Variants in RBP5 observed in about 807,000 individuals in gnomAD.
RBP5 encodes retinol binding protein 5.
In RBP5, 12 loss-of-function variants were observed where a neutral mutation model predicts 17.8. That is an observed-to-expected ratio of 0.67 (90% CI 0.43 to 1.09). The LOEUF is 1.09. Ranked by LOEUF, RBP5 falls within the 50% of genes least tolerant of loss-of-function variation. The probability of loss-of-function intolerance (pLI) is 0.00; values close to 1 mark genes in which losing one functional copy is unlikely to be tolerated. For synonymous variants in RBP5, 64 were observed against 68.1 expected (o/e 0.94, Z 0.30); for missense variants, 172 against 169.4 (o/e 1.02, Z -0.09).
rs755858623 is a variant in RBP5, at chr12:7,124,641, C to T, written c.342G>A (p.Glu114=). Reference sequence around the variant, plus strand: ...CCACCCCATTTACCAGATACAGCATCTCTCCCTCCAGCCAGTGTCTCCAGC... The same window carrying T: ...CCACCCCATTTACCAGATACAGCATTTCTCCCTCCAGCCAGTGTCTCCAGC... ...NRGWRHWLEG[E]MLYLELTARD... is the part of the protein sequence containing the mutation. Residue 114 remains glutamate (E), a synonymous_variant, in exon 3 of 4, where the codon GAG becomes GAA. Transcript: ENST00000266560. The surrounding 1 kb of genome is among the most constrained non-coding windows in gnomAD (Gnocchi z 5.3). 9 of 1,535,682 alleles carry T rather than the reference C, an allele frequency of 5.9e-6. No individual in the cohort carries two copies. The highest frequency in any genetic ancestry group is 1.1e-5 in the South Asian group (1 of 89,498).
chr12:7,124,860 G>C lies in RBP5; in HGVS notation c.253-130C>G. ...GTCTGCTGCAGCCCCTCCACTGAGC[G>C]AGGGAGCTGCTCTGATTCAGCAGGA... On this transcript the variant is annotated intron_variant, in intron 2 of 3. Coordinates refer to ENST00000266560, the MANE Select transcript of RBP5 (RefSeq NM_031491.4). This position sits in a 1 kb window ranked among gnomAD's most constrained non-coding sequence, Gnocchi z 5.3. 1.6e-6 allele frequency: 1 copy of C among 618,238 alleles called. No homozygotes were observed. The allele number at this position is 618,238 out of a possible 1,614,324, so 38.3% of individuals were successfully genotyped here.
rs1939020597 is a variant in RBP5, at chr12:7,117,521, C to G, written n.890-214G>C. Reference sequence around the variant, plus strand: ...GTACCTTTGGGGGCTCTGACCCTCTCCTCCTCCACCTTGAGATCTGTAGAG... The same window carrying G: ...GTACCTTTGGGGGCTCTGACCCTCTGCTCCTCCACCTTGAGATCTGTAGAG... On this transcript the variant is annotated intron_variant and non_coding_transcript_variant, in intron 3 of 3. Coordinates refer to the RBP5 transcript ENST00000619522. This position sits in a 1 kb window ranked among gnomAD's most constrained non-coding sequence, Gnocchi z 4.9. 1 of 152,168 alleles carries G rather than the reference C, an allele frequency of 6.6e-6. No homozygotes were observed. The highest frequency in any genetic ancestry group is 6.5e-5 in the Admixed American group (1 of 15,282). The allele number at this position is 152,168 out of a possible 1,614,324, so 9.4% of individuals were successfully genotyped here. A position where few individuals can be genotyped will look rare whatever the true frequency, so the allele number is the denominator to read the frequency against.
At chr12:7,119,589 C>T (rs1939052276), downstream of RBP5, 1 of 154,854 alleles carries the variant, frequency 6.5e-6, no homozygotes, top group Non-Finnish European at 1.5e-5. Context: ...AAATATGTCA[C>T]TGTGTAACCT....
At chr12:7,126,989 T>A (rs1196846821) in intron 2 of RBP5, among the ~76,000 whole-genome samples, 1 of 49,200 alleles carries the variant, frequency 2.0e-5, no homozygotes, top group East Asian at 4.4e-4. Context: ...TACTTTTGTA[T>A]TTTTTTTTTT....
At chr12:7,119,924 C>T (rs1939056965), downstream of RBP5, among the ~76,000 whole-genome samples, 1 of 152,230 alleles carries the variant, frequency 6.6e-6, no homozygotes, top group Non-Finnish European at 1.5e-5. Context: ...AGCACTGCCT[C>T]CCAATTTTGG....
At chr12:7,116,796 C>G (rs1222837296) in exon 4 of RBP5, 1 of 152,164 alleles carries the variant, frequency 6.6e-6, no homozygotes, top group Non-Finnish European at 1.5e-5. Context: ...GCCCCCACCC[C>G]CCAACCCCAT....
chr12:7,123,332 G>A (rs1939107210), downstream of RBP5, among the ~76,000 whole-genome samples: 1 of 152,212 alleles, frequency 6.6e-6, no homozygotes, highest in African/African-American at 2.4e-5. Context: ...TCCCTCCTAT[G>A]CCTTCACACC....
chr12:7,126,513 GTGTGTGTGT>G (rs1343573272), intron 2 of RBP5, among the ~76,000 whole-genome samples: 6,723 of 121,302 alleles, frequency 0.055, 266 homozygotes, highest in East Asian at 0.24. Flanking sequence ...TGGTGGTGGT[GTGTGTGTGT>G]GTGTGTGTGT....
intron 2 of RBP5, chr12:7,127,816 C>A: frequency 4.5e-6 from 3 of 673,242 alleles, no homozygotes; most frequent in African/African-American, 1.8e-5. Context: ...GGAGAAAACT[C>A]CAGTTTAAAG....
Position 7,128,340 on chromosome 12 carries a change from G to A in RBP5, c.152C>T (p.Thr51Met), listed in dbSNP as rs1404777697. ...KEIEHQGNHM[T>M]VRTLSTFRNY... The stretch of plus-strand genomic sequence containing the variant: ...TCGGAAGGTGCTGAGCGTCCTCACC[G>A]TCATGTGGTTGCCCTGGTGTTCGAT... Residue 51 changes from threonine to methionine, a missense_variant, in exon 2 of 4, where the codon ACG (threonine) becomes ATG (methionine). Physicochemically the swap from Thr to Met is moderately conservative, Grantham distance 81 (BLOSUM62 -1). Coordinates refer to ENST00000266560, the MANE Select transcript of RBP5 (RefSeq NM_031491.4). This position sits in a 1 kb window ranked among gnomAD's most constrained non-coding sequence, Gnocchi z 5.3. 7 of 1,613,796 alleles carry A rather than the reference G, an allele frequency of 4.3e-6. No homozygotes were observed. Among genetic ancestry groups the A allele is most frequent in the Middle Eastern group, 1.6e-4 (1 of 6,084 alleles).
At chr12:7,122,944 T>C (rs890243932), downstream of RBP5, among the ~76,000 whole-genome samples, 2 of 152,092 alleles carry the variant, frequency 1.3e-5, no homozygotes, top group African/African-American at 2.4e-5. Flanking sequence ...AGAGCCCTAG[T>C]GACTGTCTTG....
intron 2 of RBP5, among the ~76,000 whole-genome samples, chr12:7,126,510 G>GGTGGTGTGTGTGT (rs751535528): frequency 1.9e-4 from 25 of 131,022 alleles, no homozygotes; most frequent in African/African-American, 4.0e-4. Context: ...TGGTGGTGGT[G>GGTGGTGTGTGTGT]GTGTGTGTGT....
intron 2 of RBP5, among the ~76,000 whole-genome samples, chr12:7,126,365 A>T (rs1254530623): frequency 6.6e-6 from 1 of 152,248 alleles, no homozygotes; most frequent in Non-Finnish European, 1.5e-5. Flanking sequence ...GCATTGTCTG[A>T]AAGTCCACTT....
intron 3 of RBP5, chr12:7,118,058 T>G (rs1939027648): frequency 6.6e-6 from 1 of 152,174 alleles, no homozygotes; most frequent in Non-Finnish European, 1.5e-5. Flanking sequence ...CTGTTTCCCT[T>G]TTGTTTCCTC....
Position 7,128,142 on chromosome 12 carries a change from C to A in RBP5, c.252+98G>T. 9.1e-7 allele frequency: 1 copy of A among 1,101,602 alleles called. No individual in the cohort carries two copies. The highest frequency in any genetic ancestry group is 1.3e-6 in the Non-Finnish European group (1 of 773,702). 68.2% of individuals were successfully genotyped at this position (1,101,602 alleles called of 1,614,324 possible). A position where few individuals can be genotyped will look rare whatever the true frequency, so the allele number is the denominator to read the frequency against. ...GTGGTGACCATTCCCCTCCTCCCCG[C>A]TGCTCTGGCTGGGGAAGGTCACTTT... On this transcript the variant is annotated intron_variant, in intron 2 of 3. Coordinates refer to ENST00000266560, the MANE Select transcript of RBP5 (RefSeq NM_031491.4). The surrounding 1 kb of genome is among the most constrained non-coding windows in gnomAD (Gnocchi z 5.3).
chr12:7,118,930 G>GGAA (rs965001534), downstream of RBP5: 1 of 153,614 alleles, frequency 6.5e-6, no homozygotes, highest in African/African-American at 2.4e-5. Context: ...AGGAGGAGGA[G>GGAA]GAAGAAGAAA....
chr12:7,129,726 G>C, upstream of RBP5: 2 of 985,408 alleles, frequency 2.0e-6, no homozygotes, highest in South Asian at 9.4e-5. This position sits in a 1 kb window ranked among gnomAD's most constrained non-coding sequence, Gnocchi z 5.5. Context: ...CCATCGTCCC[G>C]GGCTTCAGAA....
At chr12:7,127,582 T>G in intron 2 of RBP5, 4 of 645,240 alleles carry the variant, frequency 6.2e-6, no homozygotes. Context: ...ATTTTTCCAT[T>G]TGCAGTTTGC....
chr12:7,124,663 C>A lies in RBP5; in HGVS notation c.320G>T (p.Trp107Leu). Reference protein sequence around the residue: ...VQKGEVPNRGWRHWLEGEMLY... With the variant: ...VQKGEVPNRGLRHWLEGEMLY... ...CATCTCTCCCTCCAGCCAGTGTCTC[C>A]AGCCCCGGTTGGGGACCTCCCCTTT... The change falls in exon 3 of 4, where the codon TGG (tryptophan) becomes TTG (leucine). Residue 107 changes from tryptophan (W) to leucine (L), a missense_variant. Transcript: ENST00000266560. The surrounding 1 kb of genome is among the most constrained non-coding windows in gnomAD (Gnocchi z 5.3). 6.2e-7 allele frequency: 1 copy of A among 1,612,968 alleles called. No individual in the cohort carries two copies. The highest frequency in any genetic ancestry group is 8.5e-7 in the Non-Finnish European group (1 of 1,178,946).
Sources: gnomAD v4.1 joint callset for allele counts (sites outside exome capture counted in the v4.1 genomes callset) on GRCh38, gnomAD v4.1.1 for gene constraint, Gnocchi (gnomAD v3.1) non-coding constraint, MANE v1.5 for transcripts, NCBI Gene and HGNC (gene_info 2026-07-23, HGNC 2026-07-21) for gene names.